TMEFF2: variants seen among roughly 807,000 people sequenced by gnomAD.
TMEFF2 encodes the protein transmembrane protein with EGF like and two follistatin like domains 2.
TMEFF2 carries 28 observed loss-of-function variants against 53.8 expected under a neutral mutation model. That is an observed-to-expected ratio of 0.52 (90% CI 0.39 to 0.71). The LOEUF (loss-of-function observed/expected upper bound fraction) is 0.71, where lower values mean the gene tolerates loss of function less well. Among genes scored for constraint, TMEFF2 ranks in the 30% least tolerant of loss-of-function variants. The pLI is 0.00. For missense variants in TMEFF2, 353 were observed against 455.2 expected, an observed-to-expected ratio of 0.78 and a Z score of 2.04; for synonymous variants, 162 against 166.3, an observed-to-expected ratio of 0.97 and a Z score of 0.20.
intron 7 of TMEFF2, 29 bp downstream of exon 7, chr2:191,998,233 C>A (rs1473116584): frequency 6.5e-7 from 1 of 1,542,348 alleles, no homozygotes; most frequent in Non-Finnish European, 8.8e-7. Context: ...TAGAAGAGCT[C>A]ACATTTTGTA....
intron 4 of TMEFF2, among the ~76,000 whole-genome samples, chr2:192,132,550 G>T (rs1440278709): frequency 2.6e-5 from 4 of 151,894 alleles, no homozygotes; most frequent in Non-Finnish European, 5.9e-5. Flanking sequence ...CACCTTCAAG[G>T]TGTACAATAA....
intron 5 of TMEFF2, 25 bp from the exon 6 acceptor site, chr2:191,999,233 A>G: frequency 6.4e-7 from 1 of 1,557,230 alleles, no homozygotes; most frequent in Non-Finnish European, 8.8e-7. Context: ...AAATAAAAAC[A>G]TGTAACATCA....
intron 5 of TMEFF2, among the ~76,000 whole-genome samples, chr2:192,037,273 T>TAAATAAAGAAAG (rs568551324): frequency 4.2e-5 from 4 of 94,736 alleles, no homozygotes; most frequent in African/African-American, 8.6e-5. Context: ...CTAGCCAAAA[T>TAAATAAAGAAAG]AAAGAAAGAA....
chr2:192,147,251 CAGTG>C (rs1193150643), intron 4 of TMEFF2, among the ~76,000 whole-genome samples: 2 of 151,996 alleles, frequency 1.3e-5, no homozygotes, highest in African/African-American at 2.4e-5. Flanking sequence ...CAGATAGACA[CAGTG>C]AGCTAGAAGT....
At chr2:192,126,126 GAA>G (rs1206503891) in intron 4 of TMEFF2, among the ~76,000 whole-genome samples, 4 of 152,120 alleles carry the variant, frequency 2.6e-5, no homozygotes, top group Non-Finnish European at 5.9e-5. Flanking sequence ...TCAGATATTT[GAA>G]AAAGATAAAA....
chr2:192,037,337 A>AAAGAAAGAAAG lies in TMEFF2; in HGVS notation c.536+20341_536+20342insCTTTCTTTCTT, dbSNP rs1559096581. Among the ~76,000 whole-genome samples, 6 of 88,286 alleles carry AAAGAAAGAAAG rather than the reference A, an allele frequency of 6.8e-5. No homozygotes were observed. In the East Asian group the frequency reaches 1.5e-3, roughly 21 times the overall value. 57.9% of individuals were successfully genotyped at this position (88,286 alleles called of 152,430 possible). A position where few individuals can be genotyped will look rare whatever the true frequency, so the allele number is the denominator to read the frequency against. ...AGAAAGAAAGAAAGAAAGAAAGAAA[A>AAAGAAAGAAAG]ACAGAAAACAGAAAAAAAAACCTCT... On this transcript the variant is annotated intron_variant, in intron 5 of 9. Transcript: ENST00000272771.
chr2:192,062,720 C>A (rs1432896188), intron 4 of TMEFF2, among the ~76,000 whole-genome samples: 2 of 152,028 alleles, frequency 1.3e-5, no homozygotes, highest in African/African-American at 4.8e-5. Context: ...CAAACTTGAT[C>A]TTGGTATATT....
chr2:192,080,767 T>C (rs975912812), intron 4 of TMEFF2, among the ~76,000 whole-genome samples: 10 of 152,188 alleles, frequency 6.6e-5, no homozygotes, highest in African/African-American at 2.4e-4. Context: ...CTTATTAGGC[T>C]ACTGTTTTAT....
At position 192,163,704 on chromosome 2, in the gene TMEFF2, C is replaced by T. The variant is rs536693499; in HGVS notation, c.439+15964G>A. On this transcript the variant is annotated intron_variant, in intron 4 of 9. Transcript: ENST00000272771. The stretch of plus-strand genomic sequence containing the variant: ...TTAGATGAATATAGTAGGCTCAATG[C>T]ATGGGCTTTGGTTTTTAAAATAATG... Among the ~76,000 whole-genome samples the T allele has an allele frequency of 1.4e-4, 21 of 152,288 alleles. No homozygotes were observed. The East Asian group carries it at 3.7e-3, about 27-fold the overall frequency.
At chr2:192,117,222 T>A (rs1442853684) in intron 4 of TMEFF2, among the ~76,000 whole-genome samples, 2 of 152,100 alleles carry the variant, frequency 1.3e-5, no homozygotes, top group Non-Finnish European at 2.9e-5. Flanking sequence ...ATAGCTACCT[T>A]TAAGGATAAT....
chr2:192,101,085 A>G (rs116189162), intron 4 of TMEFF2, among the ~76,000 whole-genome samples: 3 of 152,154 alleles, frequency 2.0e-5, no homozygotes, highest in Non-Finnish European at 1.5e-5. Context: ...CTGGATTTCC[A>G]TATCACATTA....
intron 4 of TMEFF2, among the ~76,000 whole-genome samples, chr2:192,119,836 C>T (rs574602242): frequency 2.4e-4 from 36 of 152,222 alleles, no homozygotes; most frequent in African/African-American, 7.9e-4. Context: ...TGCCTTCAAT[C>T]GTAGGTGGAA....
chr2:191,971,758 A>G (rs1692646146), intron 7 of TMEFF2, among the ~76,000 whole-genome samples: 1 of 152,160 alleles, frequency 6.6e-6, no homozygotes, highest in Non-Finnish European at 1.5e-5. Flanking sequence ...AGTTAAATAG[A>G]CAGTTTCTCT....
At chr2:192,137,466 G>A (rs943907471) in intron 4 of TMEFF2, among the ~76,000 whole-genome samples, 8 of 152,144 alleles carry the variant, frequency 5.3e-5, no homozygotes, top group African/African-American at 1.7e-4. Context: ...AGCCTCATAT[G>A]CCAGTGTGAG....
At chr2:191,960,572 C>T (rs781633309) in intron 7 of TMEFF2, among the ~76,000 whole-genome samples, 6 of 152,268 alleles carry the variant, frequency 3.9e-5, no homozygotes, top group African/African-American at 1.2e-4. Flanking sequence ...CTACAGTCTG[C>T]GAGGCCTTTG....
chr2:192,067,677 ATAACT>A lies in TMEFF2; in HGVS notation c.440-9907_440-9903del, dbSNP rs146241116. Among the ~76,000 whole-genome samples, 16 of 151,974 alleles carry A rather than the reference ATAACT, an allele frequency of 1.1e-4. No individual in the cohort carries two copies. In the East Asian group the frequency reaches 2.9e-3, roughly 28 times the overall value. On this transcript the variant is annotated intron_variant, in intron 4 of 9. Transcript: ENST00000272771. ...CTTTAGCAAATGGCATTTGGTTTTG[ATAACT>A]TAAAGGTATTTTGTGATAGAGCAAG...
intron 5 of TMEFF2, among the ~76,000 whole-genome samples, chr2:192,019,574 T>A (rs1216395356): frequency 6.6e-6 from 1 of 152,072 alleles, no homozygotes; most frequent in Non-Finnish European, 1.5e-5. Flanking sequence ...TTTTTAGAAT[T>A]GCTTCCTTCC....
Position 192,193,771 on chromosome 2 carries a change from G to T in TMEFF2, c.172+582C>A, listed in dbSNP as rs1479749329. 8.9e-3 allele frequency among the ~76,000 whole-genome samples: 337 copies of T among 37,772 alleles called. 2 individuals carry two copies. Among genetic ancestry groups the T allele is most frequent in the Non-Finnish European group, 0.018 (270 of 14,782 alleles). The allele number at this position is 37,772 out of a possible 152,430, so 24.8% of individuals were successfully genotyped here. A position where few individuals can be genotyped will look rare whatever the true frequency, so the allele number is the denominator to read the frequency against. On this transcript the variant is annotated intron_variant, in intron 1 of 9. Coordinates refer to ENST00000272771, the MANE Select transcript of TMEFF2 (RefSeq NM_016192.4). ...AGAGAGATAGATAGATAGAGAGAGA[G>T]AGAGAGAGAGAGAGAGAGAGAGAGA...
At position 191,955,524 on chromosome 2, in the gene TMEFF2, A is replaced by ATTTTTTTTTTTTTTTT. The variant is rs71405028; in HGVS notation, c.869+715_869+730dup. 2.0e-3 allele frequency among the ~76,000 whole-genome samples: 118 copies of ATTTTTTTTTTTTTTTT among 60,286 alleles called. 23 individuals are homozygous for ATTTTTTTTTTTTTTTT. The highest frequency in any genetic ancestry group is 5.4e-3 in the African/African-American group (82 of 15,184). The allele number at this position is 60,286 out of a possible 152,430, so 39.5% of individuals were successfully genotyped here. ...TGCCACCGTGCCTGGCTAATTCTTAATTTTTTTTTTTTTTTTTTTTTTTTA... is the reference window on the plus strand; with the variant it reads ...TGCCACCGTGCCTGGCTAATTCTTAATTTTTTTTTTTTTTTTTTTTTTTTTTTTTTTTTTTTTTTTA... On this transcript the variant is annotated intron_variant, in intron 8 of 9. Transcript: ENST00000272771.
Sources: gnomAD v4.1 joint callset for allele counts (sites outside exome capture counted in the v4.1 genomes callset) on GRCh38, gnomAD v4.1.1 for gene constraint, MANE v1.5 for transcripts, NCBI Gene and HGNC (gene_info 2026-07-23, HGNC 2026-07-21) for gene names.